Variants in LRP1B observed in about 807,000 individuals in gnomAD.
LRP1B encodes the protein LDL receptor related protein 1B.
In LRP1B, 217 loss-of-function variants were observed where a neutral mutation model predicts 556.6. That is an observed-to-expected ratio of 0.39 (90% confidence interval 0.35 to 0.44). LRP1B has a LOEUF of 0.44. LRP1B is among the 20% of genes least tolerant of loss of function. The probability of loss-of-function intolerance (pLI) is 1.00; values close to 1 mark genes in which losing one functional copy is unlikely to be tolerated. For missense variants in LRP1B, 5,053 were observed against 5,620.8 expected (o/e 0.90, Z 3.23); for synonymous variants, 2,047 against 1,865.8 (o/e 1.10, Z -2.50).
At chr2:141,171,660 C>T (rs2105144609) in intron 7 of LRP1B, among the ~76,000 whole-genome samples, 1 of 152,174 alleles carries the variant, frequency 6.6e-6, no homozygotes, top group Admixed American at 6.6e-5. Context: ...CTCATCGTGG[C>T]TGTGGTGTAG....
chr2:140,829,499 C>T (rs1000087308), intron 31 of LRP1B, among the ~76,000 whole-genome samples: 3 of 152,234 alleles, frequency 2.0e-5, no homozygotes, highest in South Asian at 4.1e-4. Flanking sequence ...AATACAAACA[C>T]ATGACAATTA....
intron 1 of LRP1B, among the ~76,000 whole-genome samples, chr2:142,127,880 A>G (rs1018417563): frequency 1.3e-5 from 2 of 152,074 alleles, no homozygotes; most frequent in Non-Finnish European, 2.9e-5. Context: ...TTTAAGATAT[A>G]CTTCCTTTTA....
chr2:141,681,616 T>A (rs974204458), intron 2 of LRP1B, among the ~76,000 whole-genome samples: 18 of 152,274 alleles, frequency 1.2e-4, no homozygotes, highest in Admixed American at 1.1e-3. Context: ...AGGAAATAAA[T>A]CATCTAAGAT....
chr2:142,021,013 C>T (rs917401114), intron 1 of LRP1B, among the ~76,000 whole-genome samples: 1 of 152,174 alleles, frequency 6.6e-6, no homozygotes, highest in African/African-American at 2.4e-5. Flanking sequence ...AGAACCTTCT[C>T]TTTGAATTTC....
chr2:141,895,911 A>C (rs1239848034), intron 1 of LRP1B, among the ~76,000 whole-genome samples: 1 of 151,796 alleles, frequency 6.6e-6, no homozygotes, highest in Non-Finnish European at 1.5e-5. Flanking sequence ...TTATTTTTTG[A>C]GTTAGTAAGG....
At chr2:140,814,021 C>T (rs59455054) in intron 31 of LRP1B, among the ~76,000 whole-genome samples, 70,179 of 152,000 alleles carry the variant, frequency 0.46, 17,422 homozygotes, top group East Asian at 0.66. Context: ...GTCATTTATA[C>T]TGGAGTGCAG....
chr2:141,842,485 T>G (rs1024103504), intron 1 of LRP1B, among the ~76,000 whole-genome samples: 1 of 152,090 alleles, frequency 6.6e-6, no homozygotes, highest in African/African-American at 2.4e-5. Context: ...CACCTAAAAA[T>G]GGGGATAATT....
At chr2:141,658,609 G>A (rs1690101272) in intron 2 of LRP1B, among the ~76,000 whole-genome samples, 1 of 152,166 alleles carries the variant, frequency 6.6e-6, no homozygotes, top group Non-Finnish European at 1.5e-5. Flanking sequence ...CCCGCTGCAT[G>A]AGAATAGCAC....
At chr2:141,275,470 C>T (rs916808625) in intron 3 of LRP1B, among the ~76,000 whole-genome samples, 1 of 151,988 alleles carries the variant, frequency 6.6e-6, no homozygotes, top group Non-Finnish European at 1.5e-5. Context: ...GCACTTTGGG[C>T]GGCCAAGGCG....
chr2:140,292,246 G>A (rs1177863222), intron 84 of LRP1B, among the ~76,000 whole-genome samples: 1 of 152,096 alleles, frequency 6.6e-6, no homozygotes, highest in Non-Finnish European at 1.5e-5. Context: ...TAATCTCAAA[G>A]GGTTGTGTGA....
chr2:141,276,660 T>TTCTTTCTC (rs1280376918), intron 3 of LRP1B, among the ~76,000 whole-genome samples: 3 of 32,534 alleles, frequency 9.2e-5, no homozygotes, highest in Non-Finnish European at 2.3e-4. Context: ...CTTTCTTTCT[T>TTCTTTCTC]TTTTTTTTTT....
intron 7 of LRP1B, among the ~76,000 whole-genome samples, chr2:141,127,923 G>A (rs1043806841): frequency 2.6e-5 from 4 of 152,126 alleles, no homozygotes; most frequent in Non-Finnish European, 5.9e-5. Flanking sequence ...ATGAGTCCAC[G>A]AACTGTGAGC....
chr2:141,266,558 A>C (rs1424820359), intron 3 of LRP1B, among the ~76,000 whole-genome samples: 1 of 152,170 alleles, frequency 6.6e-6, no homozygotes, highest in Non-Finnish European at 1.5e-5. Flanking sequence ...TACCACATCA[A>C]TGCTAAGAGA....
At chr2:141,930,437 T>C (rs750566842) in intron 1 of LRP1B, among the ~76,000 whole-genome samples, 2 of 152,050 alleles carry the variant, frequency 1.3e-5, no homozygotes, top group South Asian at 2.1e-4. Flanking sequence ...CTCTGCCAAG[T>C]GAGTTACTCC....
intron 31 of LRP1B, among the ~76,000 whole-genome samples, chr2:140,819,278 A>C (rs1573760773): frequency 1.3e-5 from 2 of 152,202 alleles, no homozygotes; most frequent in South Asian, 4.1e-4. Flanking sequence ...CACAACTGAT[A>C]ATTTGGAGAT....
chr2:140,235,077 A>AT (rs911022492), intron 89 of LRP1B, among the ~76,000 whole-genome samples, 193 bp from the exon 90 acceptor site: 1 of 151,172 alleles, frequency 6.6e-6, no homozygotes, highest in African/African-American at 2.4e-5. Context: ...TAAAGATCCA[A>AT]TATTAATATT....
intron 66 of LRP1B, among the ~76,000 whole-genome samples, chr2:140,390,179 A>T (rs966302497): frequency 2.0e-5 from 3 of 152,144 alleles, no homozygotes; most frequent in African/African-American, 7.2e-5. Flanking sequence ...TTGTAGAATA[A>T]TCAAACATTT....
intron 3 of LRP1B, among the ~76,000 whole-genome samples, chr2:141,270,029 A>G (rs1685031075): frequency 6.6e-6 from 1 of 152,128 alleles, no homozygotes; most frequent in Non-Finnish European, 1.5e-5. Context: ...ATGACAGACA[A>G]TATTTGCAAA....
chr2:140,483,640 A>ATATATATTTT (rs1491228405), intron 59 of LRP1B, among the ~76,000 whole-genome samples: 5 of 70,736 alleles, frequency 7.1e-5, no homozygotes, highest in African/African-American at 3.2e-4. Context: ...ATATATATAT[A>ATATATATTTT]TTTTTTTTTT....
Sources: gnomAD v4.1 joint callset for allele counts (sites outside exome capture counted in the v4.1 genomes callset) on GRCh38, gnomAD v4.1.1 for gene constraint, MANE v1.5 for transcripts, NCBI Gene and HGNC (gene_info 2026-07-23, HGNC 2026-07-21) for gene names.